The following ZSCAN18 variants were observed in gnomAD, a reference collection of about 807,000 sequenced individuals.
ZSCAN18 encodes the protein zinc finger and SCAN domain containing 18.
In ZSCAN18, 16 loss-of-function variants were observed where a neutral mutation model predicts 31.1. The ratio of observed to expected loss-of-function variants is 0.51; its 90% CI spans 0.35 to 0.78. The LOEUF (loss-of-function observed/expected upper bound fraction) is 0.78. Ranked by LOEUF, ZSCAN18 falls within the 30% of genes least tolerant of loss-of-function variation. The pLI, the probability that ZSCAN18 is intolerant of heterozygous loss-of-function variation, is 0.01. For synonymous variants in ZSCAN18, 375 were observed against 320.7 expected, an observed-to-expected ratio of 1.17 and a Z score of -1.81; for missense variants, 731 against 697.4, an observed-to-expected ratio of 1.05 and a Z score of -0.54.
At chr19:58,086,026 G>A in intron 6 of ZSCAN18, 148 bp downstream of exon 6, 3 of 659,858 alleles carry the variant, frequency 4.5e-6, no homozygotes, top group Non-Finnish European at 8.1e-6. Flanking sequence ...CTGGATTCCT[G>A]CCTCACTCAG....
At chr19:58,104,637 G>C (rs561883841) in intron 1 of ZSCAN18, among the ~76,000 whole-genome samples, 1 of 151,552 alleles carries the variant, frequency 6.6e-6, no homozygotes, top group African/African-American at 2.4e-5. Flanking sequence ...AGGTGGCAGA[G>C]GTTGGCAGTG....
At chr19:58,085,463 C>T in intron 6 of ZSCAN18, 84 bp from the exon 7 acceptor site, 2 of 1,257,968 alleles carry the variant, frequency 1.6e-6, no homozygotes, top group Non-Finnish European at 2.1e-6. Context: ...GCTGCCGGAA[C>T]AGCGCACAGG....
chr19:58,101,819 C>A (rs561889436), upstream of ZSCAN18, among the ~76,000 whole-genome samples: 1 of 148,574 alleles, frequency 6.7e-6, no homozygotes, highest in African/African-American at 2.5e-5. Context: ...CGCACCCAGC[C>A]TTTTTTTTTT....
chr19:58,087,348 T>G lies in ZSCAN18; in HGVS notation c.610A>C (p.Thr204Pro). The change falls in exon 4 of 7, where the codon ACC becomes CCC. Residue 204 changes from threonine (T) to proline (P), a missense_variant. Around this residue, in one of 4 missense-constraint regions of ZSCAN18, gnomAD observed 597 missense variants for 499.5 expected, o/e 1.20. Coordinates refer to ENST00000601144, the MANE Select transcript of ZSCAN18 (RefSeq NM_001145543.2). ...GTGTTGGCAGGGCCGTCCTCTTCGG[T>G]CTTTGCTTCTCTGACCCTCCTCTGT... ...LEQRRVREAK[T>P]EEDGPANTEQ... 1.9e-6 allele frequency: 3 copies of G among 1,607,540 alleles called. No homozygotes were observed. The highest frequency in any genetic ancestry group is 2.5e-6 in the Non-Finnish European group (3 of 1,177,004).
intron 1 of ZSCAN18, among the ~76,000 whole-genome samples, chr19:58,114,545 T>C (rs1347364356): frequency 6.6e-6 from 1 of 152,058 alleles, no homozygotes; most frequent in East Asian, 1.9e-4. Context: ...AATATACAAA[T>C]GTACATTATA....
At position 58,107,053 on chromosome 19, in the gene ZSCAN18, G is replaced by A. The variant is rs529020486; in HGVS notation, c.130+11214C>T. On this transcript the variant is annotated intron_variant, in intron 1 of 1. Transcript: ENST00000595721. ...GCTGGGATTACAGGCGTGAGCCACCGTGCCTGGCCAAGACATCTGTTCTTG... is the reference window on the plus strand; with the variant it reads ...GCTGGGATTACAGGCGTGAGCCACCATGCCTGGCCAAGACATCTGTTCTTG... 5.9e-5 allele frequency among the ~76,000 whole-genome samples: 9 copies of A among 151,858 alleles called. No individual in the cohort carries two copies. The South Asian group carries it at 6.3e-4, about 11-fold the overall frequency.
upstream of ZSCAN18, among the ~76,000 whole-genome samples, chr19:58,100,694 T>TTCAAGACCAGCCTGGC (rs2074585663): frequency 6.7e-6 from 1 of 148,704 alleles, no homozygotes; most frequent in Non-Finnish European, 1.5e-5. Flanking sequence ...GATCACGAGG[T>TTCAAGACCAGCCTGGC]CAACATGGTG....
At chr19:58,111,831 C>T (rs1426610417) in intron 1 of ZSCAN18, among the ~76,000 whole-genome samples, 1 of 152,148 alleles carries the variant, frequency 6.6e-6, no homozygotes, top group Non-Finnish European at 1.5e-5. Context: ...ATGTTGAATT[C>T]ATCAGTGTAT....
intron 2 of ZSCAN18, 57 bp from the exon 3 acceptor site, chr19:58,088,894 A>C: frequency 6.5e-7 from 1 of 1,549,084 alleles, no homozygotes; most frequent in Non-Finnish European, 8.8e-7. Flanking sequence ...GCCAACAACA[A>C]TCACACAGTT....
Position 58,090,310 on chromosome 19 carries a change from A to C in ZSCAN18, c.-43T>G, listed in dbSNP as rs1242259099. The C allele has an allele frequency of 6.2e-7, 1 of 1,613,156 alleles. No homozygotes were observed. The highest frequency in any genetic ancestry group is 1.3e-5 in the African/African-American group (1 of 75,036). On this transcript the variant is annotated 5_prime_UTR_variant, in exon 2 of 7. Coordinates refer to ENST00000601144, the MANE Select transcript of ZSCAN18 (RefSeq NM_001145543.2). This position sits in a 1 kb window ranked among gnomAD's most constrained non-coding sequence, Gnocchi z 4.7. ...GGAAAATGTGACTGTCTAGCCAGGG[A>C]CAAGGTGGCTCCAAAGGAGAGGTGC...
At chr19:58,105,007 C>A (rs916964712) in intron 1 of ZSCAN18, among the ~76,000 whole-genome samples, 1 of 152,096 alleles carries the variant, frequency 6.6e-6, no homozygotes, top group Non-Finnish European at 1.5e-5. Context: ...AAGAACAGGC[C>A]GACTCTTGTT....
intron 1 of ZSCAN18, among the ~76,000 whole-genome samples, chr19:58,113,001 A>G (rs1190044565): frequency 6.6e-6 from 1 of 150,600 alleles, no homozygotes; most frequent in Non-Finnish European, 1.5e-5. Context: ...GGATATTGAG[A>G]AACACAATTT....
At position 58,107,174 on chromosome 19, in the gene ZSCAN18, T is replaced by C. The variant is rs550699802; in HGVS notation, c.130+11093A>G. ...GGTGTGAGAACAACATTCATCTCCC[T>C]GTACATCTTCATCACAGCTCTTGTC... On this transcript the variant is annotated intron_variant, in intron 1 of 1. Coordinates refer to the ZSCAN18 transcript ENST00000595721. Among the ~76,000 whole-genome samples the C allele has an allele frequency of 1.8e-4, 28 of 152,330 alleles. No individual in the cohort carries two copies. The South Asian group carries it at 5.8e-3, about 32-fold the overall frequency.
At chr19:58,104,168 C>G (rs181478024) in intron 1 of ZSCAN18, among the ~76,000 whole-genome samples, 183 of 152,300 alleles carry the variant, frequency 1.2e-3, no homozygotes, top group African/African-American at 4.3e-3. Context: ...CACCTGAGGT[C>G]AGCAGTTCAA....
intron 1 of ZSCAN18, among the ~76,000 whole-genome samples, chr19:58,094,072 AT>A (rs1014465756): frequency 4.6e-5 from 7 of 151,850 alleles, no homozygotes; most frequent in Non-Finnish European, 8.8e-5. Flanking sequence ...GCCTTCAACC[AT>A]TTTTTAAATT....
rs370317946 is a variant in ZSCAN18, at chr19:58,084,461, C to G, written c.*224G>C. On this transcript the variant is annotated 3_prime_UTR_variant, in exon 7 of 7. Transcript: ENST00000601144. This position sits in a 1 kb window ranked among gnomAD's most constrained non-coding sequence, Gnocchi z 4.5. The stretch of plus-strand genomic sequence containing the variant: ...TCTTCTTCCACATCCGGCGGCTCCC[C>G]TCGGATGCGAGCGCTGGCCCAGGGT... 3 of 463,664 alleles carry G rather than the reference C, an allele frequency of 6.5e-6. No individual in the cohort carries two copies. Among genetic ancestry groups the G allele is most frequent in the African/African-American group, 6.1e-5 (3 of 48,950 alleles). The allele number at this position is 463,664 out of a possible 1,614,324, so 28.7% of individuals were successfully genotyped here.
intron 1 of ZSCAN18, among the ~76,000 whole-genome samples, chr19:58,116,207 C>G (rs10423778): frequency 6.2e-5 from 9 of 144,566 alleles, no homozygotes; most frequent in Admixed American, 5.7e-4. Context: ...CTAAAAAAAA[C>G]CCCCAAAAAA....
At chr19:58,114,527 CACAGAT>C (rs1410042837) in intron 1 of ZSCAN18, among the ~76,000 whole-genome samples, 1 of 144,514 alleles carries the variant, frequency 6.9e-6, no homozygotes, top group Non-Finnish European at 1.6e-5. Context: ...TACATATACG[CACAGAT>C]AAATATACAA....
rs2074229886 is a variant in ZSCAN18 at position 58,084,841 on chromosome 19, G to A, written c.1377C>T (p.His459=). The A allele has an allele frequency of 6.3e-7, 1 of 1,599,198 alleles. No individual in the cohort carries two copies. Among genetic ancestry groups the A allele is most frequent in the South Asian group, 1.1e-5 (1 of 89,160 alleles). The change falls in exon 7 of 7, where the codon CAC becomes CAT. Residue 459 remains histidine, a synonymous_variant. Transcript: ENST00000601144. The surrounding 1 kb of genome is among the most constrained non-coding windows in gnomAD (Gnocchi z 4.5). ...TTTTCTCCTTCTCGTGGGTCTTCTG[G>A]TGCTCGGCTAGGGCCAGGCTGAAGT... ...TFHFSLALAE[H]QKTHEKEKSY...
Sources: gnomAD v4.1 joint callset for allele counts (sites outside exome capture counted in the v4.1 genomes callset) on GRCh38, gnomAD v4.1.1 for gene constraint, gnomAD v4.1.1 regional missense constraint, Gnocchi (gnomAD v3.1) non-coding constraint, MANE v1.5 for transcripts, NCBI Gene and HGNC (gene_info 2026-07-23, HGNC 2026-07-21) for gene names.